Variants in WDR70 observed in about 807,000 individuals in gnomAD.
WDR70 encodes WD repeat domain 70.
Under a neutral mutation model 88.6 loss-of-function variants are expected in WDR70, and 53 were observed. The observed-to-expected ratio is 0.60, with a 90% CI of 0.48 to 0.75. The LOEUF (loss-of-function observed/expected upper bound fraction) is 0.75, where lower values mean the gene tolerates loss of function less well. Among genes scored for constraint, WDR70 ranks in the 30% least tolerant of loss-of-function variants. The probability of loss-of-function intolerance (pLI) is 0.00; values close to 1 mark genes in which losing one functional copy is unlikely to be tolerated. For synonymous variants in WDR70, 280 were observed against 270.0 expected, an observed-to-expected ratio of 1.04 and a Z score of -0.36; for missense variants, 610 against 823.2, an observed-to-expected ratio of 0.74 and a Z score of 3.17.
chr5:37,396,654 A>G, intron 5 of WDR70, 84 bp downstream of exon 5: 1 of 1,438,278 alleles, frequency 7.0e-7, no homozygotes, highest in South Asian at 1.5e-5. Context: ...GTTTTTCATG[A>G]GTAAGAGCCA....
intron 7 of WDR70, among the ~76,000 whole-genome samples, chr5:37,468,096 G>T (rs1274708260): frequency 6.6e-6 from 1 of 152,004 alleles, no homozygotes; most frequent in African/African-American, 2.4e-5. Context: ...TGATTCACCC[G>T]CCTCGGCCTC....
intron 9 of WDR70, among the ~76,000 whole-genome samples, chr5:37,584,232 A>G (rs911059481): frequency 3.9e-5 from 6 of 152,232 alleles, no homozygotes; most frequent in Non-Finnish European, 8.8e-5. Context: ...GTTAGCGATC[A>G]TGATTATGAG....
At chr5:37,651,969 C>T (rs927162905) in intron 10 of WDR70, among the ~76,000 whole-genome samples, 4 of 151,946 alleles carry the variant, frequency 2.6e-5, no homozygotes, top group African/African-American at 9.7e-5. Flanking sequence ...TAATTAAATC[C>T]CGTTTATCAA....
intron 11 of WDR70, among the ~76,000 whole-genome samples, chr5:37,700,814 T>C (rs1475520782): frequency 6.6e-6 from 1 of 152,198 alleles, no homozygotes; most frequent in Non-Finnish European, 1.5e-5. Flanking sequence ...CCCAATTCAT[T>C]ATCAAATAGC....
At chr5:37,392,512 G>A (rs1430365166) in intron 4 of WDR70, among the ~76,000 whole-genome samples, 1 of 151,948 alleles carries the variant, frequency 6.6e-6, no homozygotes, top group African/African-American at 2.4e-5. Flanking sequence ...ACCACGGCCG[G>A]CTAATTCTTG....
chr5:37,465,172 A>C (rs1739115156), intron 7 of WDR70, among the ~76,000 whole-genome samples: 2 of 152,206 alleles, frequency 1.3e-5, no homozygotes, highest in East Asian at 3.9e-4. Flanking sequence ...CAGGAAGGAT[A>C]CCATGGGGCC....
intron 9 of WDR70, among the ~76,000 whole-genome samples, chr5:37,585,941 C>A (rs1743352360): frequency 6.6e-6 from 1 of 152,056 alleles, no homozygotes; most frequent in African/African-American, 2.4e-5. Context: ...ATGTGTGCAC[C>A]TCCTCCCACT....
chr5:37,694,350 A>G lies in WDR70; in HGVS notation c.1093-3305A>G, dbSNP rs776667368. Among the ~76,000 whole-genome samples the G allele has an allele frequency of 4.6e-5, 7 of 152,250 alleles. No homozygotes were observed. The South Asian group carries it at 1.2e-3, about 27-fold the overall frequency. ...TGACCCAGCCATCCCATTACTGGGTATATACCCAAAGGATCAGATATTATG... is the reference window on the plus strand; with the variant it reads ...TGACCCAGCCATCCCATTACTGGGTGTATACCCAAAGGATCAGATATTATG... On this transcript the variant is annotated intron_variant, in intron 10 of 17. Transcript: ENST00000265107.
At chr5:37,535,904 C>T (rs1356618364) in intron 9 of WDR70, among the ~76,000 whole-genome samples, 3 of 152,182 alleles carry the variant, frequency 2.0e-5, no homozygotes, top group Non-Finnish European at 2.9e-5. Context: ...GTGGTTTGTA[C>T]ACTTTATGAA....
chr5:37,572,167 ACT>A (rs1742922796), intron 9 of WDR70, among the ~76,000 whole-genome samples: 1 of 152,154 alleles, frequency 6.6e-6, no homozygotes, highest in Non-Finnish European at 1.5e-5. Context: ...CCAGATTCCA[ACT>A]TCAGTAGGCA....
intron 9 of WDR70, among the ~76,000 whole-genome samples, chr5:37,564,776 A>T (rs964294218): frequency 2.0e-5 from 3 of 152,222 alleles, no homozygotes; most frequent in Non-Finnish European, 4.4e-5. Flanking sequence ...AATTCATGAT[A>T]TCAAAAAGAA....
intron 12 of WDR70, among the ~76,000 whole-genome samples, chr5:37,701,394 A>G (rs1747158795): frequency 3.9e-5 from 6 of 152,178 alleles, no homozygotes; most frequent in Admixed American, 3.9e-4. Flanking sequence ...ATGCACGCAC[A>G]AGTCTTGGAG....
In WDR70 at chr5:37,546,618, A is replaced by C. The variant is rs1742003017; in HGVS notation, c.917+30028A>C. 2.0e-5 allele frequency among the ~76,000 whole-genome samples: 3 copies of C among 152,182 alleles called. 1 individual carries two copies. The highest frequency in any genetic ancestry group is 2.0e-4 in the Admixed American group (3 of 15,274). ...AGTGTTAAGTCAATTTGATTTTAAA[A>C]TATTTATTTATGAATTTAGACCAGA... is the stretch of plus-strand genomic sequence containing the variant. On this transcript the variant is annotated intron_variant, in intron 9 of 17. Transcript: ENST00000265107.
chr5:37,678,310 C>T (rs1019537992), intron 10 of WDR70, among the ~76,000 whole-genome samples: 27 of 152,104 alleles, frequency 1.8e-4, no homozygotes, highest in Non-Finnish European at 8.8e-5. Context: ...TTAGTTGATG[C>T]AATTTCTTCC....
intron 6 of WDR70, among the ~76,000 whole-genome samples, chr5:37,439,984 A>C (rs1478341881): frequency 6.6e-6 from 1 of 152,094 alleles, no homozygotes; most frequent in African/African-American, 2.4e-5. Flanking sequence ...CCATCTTTAT[A>C]TATCTATTTT....
chr5:37,550,031 T>C (rs36002154), intron 9 of WDR70, among the ~76,000 whole-genome samples: 74 of 152,128 alleles, frequency 4.9e-4, no homozygotes, highest in Non-Finnish European at 8.1e-4. Flanking sequence ...CCAGCTAATA[T>C]TTGCATTTTT....
At chr5:37,426,307 C>T (rs1163139048) in intron 5 of WDR70, among the ~76,000 whole-genome samples, 1 of 152,152 alleles carries the variant, frequency 6.6e-6, no homozygotes, top group Non-Finnish European at 1.5e-5. Flanking sequence ...ATTATTTTAA[C>T]TTTAAGCAGT....
intron 8 of WDR70, among the ~76,000 whole-genome samples, chr5:37,492,115 C>T (rs182519169): frequency 1.3e-5 from 2 of 152,298 alleles, no homozygotes; most frequent in African/African-American, 2.4e-5. Context: ...TGGTTATATT[C>T]ATTGCTGTTG....
At chr5:37,736,724 A>G (rs770141359) in intron 17 of WDR70, among the ~76,000 whole-genome samples, 7 of 151,728 alleles carry the variant, frequency 4.6e-5, no homozygotes, top group Non-Finnish European at 1.0e-4. Context: ...AGGGGTGGGA[A>G]TCTGAATATT....
Sources: gnomAD v4.1 joint callset for allele counts (sites outside exome capture counted in the v4.1 genomes callset) on GRCh38, gnomAD v4.1.1 for gene constraint, MANE v1.5 for transcripts, NCBI Gene and HGNC (gene_info 2026-07-23, HGNC 2026-07-21) for gene names.